The following DPYD variants were observed in gnomAD, a reference collection of about 807,000 sequenced individuals.
DPYD encodes the protein dihydropyrimidine dehydrogenase.
In DPYD, 109 loss-of-function variants were observed where a neutral mutation model predicts 116.2. The observed-to-expected ratio is 0.94, with a 90% CI of 0.80 to 1.10. The LOEUF is 1.10. Ranked by LOEUF, DPYD falls within the 50% of genes least tolerant of loss-of-function variation. The pLI, the probability that DPYD is intolerant of heterozygous loss-of-function variation, is 0.00. For synonymous variants in DPYD, 440 were observed against 432.0 expected (o/e 1.02, Z -0.23); for missense variants, 1,302 against 1,254.5 (o/e 1.04, Z -0.57).
chr1:97,840,768 C>A (rs1669999024), intron 2 of DPYD, among the ~76,000 whole-genome samples: 1 of 152,090 alleles, frequency 6.6e-6, no homozygotes. Flanking sequence ...GGAACAACAG[C>A]CTCACTCTCA....
chr1:97,257,140 GA>G (rs1272025816), intron 18 of DPYD, among the ~76,000 whole-genome samples: 6 of 151,614 alleles, frequency 4.0e-5, no homozygotes, highest in Admixed American at 3.9e-4. Context: ...GCATTTGAAA[GA>G]AGAAAACTAA....
At chr1:97,897,547 G>A (rs1253285633) in intron 1 of DPYD, among the ~76,000 whole-genome samples, 1 of 151,806 alleles carries the variant, frequency 6.6e-6, no homozygotes, top group Non-Finnish European at 1.5e-5. Flanking sequence ...CTCACTGATA[G>A]TCTTTTCATT....
At chr1:97,549,032 T>C (rs531681298) in intron 12 of DPYD, among the ~76,000 whole-genome samples, 1 of 152,144 alleles carries the variant, frequency 6.6e-6, no homozygotes, top group Non-Finnish European at 1.5e-5. Context: ...GACTTCACAG[T>C]ACTCAAATGG....
intron 19 of DPYD, among the ~76,000 whole-genome samples, chr1:97,195,521 AGAGAGAG>A: frequency 1.2e-4 from 1 of 8,464 alleles, no homozygotes; most frequent in South Asian, 0.014. Flanking sequence ...TGGGATAAGG[AGAGAGAG>A]AGAGAGAGAG....
At chr1:97,430,030 A>G (rs1334647438) in intron 14 of DPYD, among the ~76,000 whole-genome samples, 1 of 152,140 alleles carries the variant, frequency 6.6e-6, no homozygotes, top group African/African-American at 2.4e-5. Context: ...CAAACAGACT[A>G]AGTCATATAA....
intron 5 of DPYD, chr1:97,720,536 C>T (rs1662864138): frequency 3.9e-6 from 4 of 1,025,732 alleles, no homozygotes; most frequent in East Asian, 9.0e-5. Context: ...TTCTTATTCC[C>T]AGGAGCTCTT....
chr1:97,298,725 T>C (rs1558009899), intron 18 of DPYD, among the ~76,000 whole-genome samples: 1 of 152,132 alleles, frequency 6.6e-6, no homozygotes, highest in Non-Finnish European at 1.5e-5. Flanking sequence ...GACGAATGGA[T>C]AGAGATGGTG....
chr1:97,850,944 A>T (rs1310394323), intron 2 of DPYD, among the ~76,000 whole-genome samples: 3 of 152,056 alleles, frequency 2.0e-5, no homozygotes, highest in African/African-American at 7.2e-5. Context: ...GCTACTTCAC[A>T]GAAAAAAATG....
At chr1:97,182,290 A>G (rs563509870) in intron 20 of DPYD, among the ~76,000 whole-genome samples, 16 of 152,282 alleles carry the variant, frequency 1.1e-4, no homozygotes, top group East Asian at 1.9e-4. Flanking sequence ...TCTACTTAAG[A>G]TATCACTCAA....
chr1:97,346,297 T>C (rs781675683), intron 16 of DPYD, among the ~76,000 whole-genome samples: 12 of 151,830 alleles, frequency 7.9e-5, no homozygotes, highest in Non-Finnish European at 1.8e-4. Context: ...TGGTTGTTTC[T>C]AGTTTTTAAA....
chr1:97,808,434 A>T (rs1421685307), intron 3 of DPYD, among the ~76,000 whole-genome samples: 10 of 152,154 alleles, frequency 6.6e-5, no homozygotes. Flanking sequence ...ATATGAAAAC[A>T]ATTAACTTTT....
chr1:97,480,249 A>G (rs768823568), intron 13 of DPYD, among the ~76,000 whole-genome samples: 4 of 152,176 alleles, frequency 2.6e-5, no homozygotes, highest in African/African-American at 7.2e-5. Flanking sequence ...ACTGAGAAAA[A>G]AAAGAAATAT....
At chr1:97,459,017 C>A (rs912341559) in intron 13 of DPYD, among the ~76,000 whole-genome samples, 20 of 151,926 alleles carry the variant, frequency 1.3e-4, no homozygotes, top group African/African-American at 4.8e-4. Context: ...AAAATCAGAT[C>A]TACCAAAAAA....
chr1:97,647,499 C>T lies in DPYD; in HGVS notation c.850+31596G>A, dbSNP rs188279975. ...TCTAATGTAATAAATATTTATCCAG[C>T]GTGAGTGTTTTACTAAAAGCAGACA... On this transcript the variant is annotated intron_variant, in intron 8 of 22. Coordinates refer to ENST00000370192, the MANE Select transcript of DPYD (RefSeq NM_000110.4). Among the ~76,000 whole-genome samples, 142 of 151,880 alleles carry T rather than the reference C, an allele frequency of 9.3e-4. 3 individuals are homozygous for T. Among genetic ancestry groups the T allele is most frequent in the East Asian group, 2.7e-3 (14 of 5,174 alleles).
intron 1 of DPYD, among the ~76,000 whole-genome samples, chr1:97,902,768 T>C (rs1330789991): frequency 6.6e-6 from 1 of 151,790 alleles, no homozygotes; most frequent in East Asian, 1.9e-4. Context: ...CACAGAATAT[T>C]TTCCTAAAGG....
At chr1:97,401,283 A>G (rs997269814) in intron 14 of DPYD, among the ~76,000 whole-genome samples, 1 of 151,830 alleles carries the variant, frequency 6.6e-6, no homozygotes, top group African/African-American at 2.4e-5. Context: ...CATTCTCTTG[A>G]CATTATCTTT....
chr1:97,298,499 C>A (rs1319687616), intron 18 of DPYD, among the ~76,000 whole-genome samples: 1 of 150,636 alleles, frequency 6.6e-6, no homozygotes, highest in Non-Finnish European at 1.5e-5. Context: ...AATCCTGATC[C>A]ATAAAAGACT....
At position 97,516,693 on chromosome 1, in the gene DPYD, ACTTACT is replaced by A. The variant is rs532441453; in HGVS notation, c.1525-758_1525-753del. On this transcript the variant is annotated intron_variant, in intron 12 of 22. Coordinates refer to ENST00000370192, the MANE Select transcript of DPYD (RefSeq NM_000110.4). ...ATTATTGGAATGATTTAATAAAAAC[ACTTACT>A]CTTAGCACATGGCACACTGAAACAT... is the stretch of plus-strand genomic sequence containing the variant. Among the ~76,000 whole-genome samples, 660 of 152,126 alleles carry A rather than the reference ACTTACT, an allele frequency of 4.3e-3. 1 individual carries two copies. Among genetic ancestry groups the A allele is most frequent in the Non-Finnish European group, 7.1e-3 (485 of 67,956 alleles).
intron 12 of DPYD, among the ~76,000 whole-genome samples, chr1:97,530,382 T>C (rs1378539724): frequency 6.6e-6 from 1 of 151,800 alleles, no homozygotes; most frequent in African/African-American, 2.4e-5. Flanking sequence ...CACGCCAGGC[T>C]AATTTTTTGT....
Sources: gnomAD v4.1 joint callset for allele counts (sites outside exome capture counted in the v4.1 genomes callset) on GRCh38, gnomAD v4.1.1 for gene constraint, MANE v1.5 for transcripts, NCBI Gene and HGNC (gene_info 2026-07-23, HGNC 2026-07-21) for gene names.